HIVEP1: variants seen among roughly 807,000 people sequenced by gnomAD.
The protein encoded by HIVEP1 is zinc finger protein 40.
Under a neutral mutation model 180.0 loss-of-function variants are expected in HIVEP1, and 36 were observed. The ratio of observed to expected loss-of-function variants is 0.20; its 90% CI spans 0.15 to 0.26. HIVEP1 has a LOEUF of 0.26. Among genes scored for constraint, HIVEP1 ranks in the 10% least tolerant of loss-of-function variants. The probability of loss-of-function intolerance (pLI) is 1.00; values close to 1 mark genes in which losing one functional copy is unlikely to be tolerated. For missense variants in HIVEP1, 3,143 were observed against 3,268.7 expected (o/e 0.96, Z 0.94); for synonymous variants, 1,239 against 1,239.0 (o/e 1.00, Z 0.00).
intron 2 of HIVEP1, among the ~76,000 whole-genome samples, chr6:12,078,039 A>T (rs566342024): frequency 6.1e-4 from 93 of 152,272 alleles, no homozygotes; most frequent in Non-Finnish European, 3.8e-4. Context: ...AAAGAAGAGG[A>T]CATTGTTTAG....
chr6:12,058,855 A>C (rs1581599570), intron 2 of HIVEP1, among the ~76,000 whole-genome samples: 1 of 152,180 alleles, frequency 6.6e-6, no homozygotes, highest in African/African-American at 2.4e-5. Flanking sequence ...TATCTATGTA[A>C]GTATGTACAT....
chr6:12,110,234 C>T (rs935142796), intron 3 of HIVEP1, among the ~76,000 whole-genome samples: 1 of 152,162 alleles, frequency 6.6e-6, no homozygotes. Context: ...AGTAGATGAG[C>T]GTTTGCTTCA....
chr6:12,026,152 C>T (rs769730062), intron 2 of HIVEP1, among the ~76,000 whole-genome samples: 2 of 152,170 alleles, frequency 1.3e-5, no homozygotes, highest in Non-Finnish European at 2.9e-5. Context: ...TGTACCTGCC[C>T]TCTTAGAGTT....
chr6:12,017,684 A>C (rs1427189699), intron 2 of HIVEP1, among the ~76,000 whole-genome samples: 1 of 152,224 alleles, frequency 6.6e-6, no homozygotes, highest in Non-Finnish European at 1.5e-5. Context: ...GTGTGTTTAC[A>C]ATCCCTGAGC....
intron 3 of HIVEP1, among the ~76,000 whole-genome samples, chr6:12,097,402 C>T (rs1306007636): frequency 1.3e-5 from 2 of 151,338 alleles, no homozygotes; most frequent in African/African-American, 4.9e-5. Flanking sequence ...CCAGCTCTTA[C>T]CCAAATCATC....
chr6:12,198,529 C>T, the HIVEP1 span, among the ~76,000 whole-genome samples: 3 of 152,188 alleles, frequency 2.0e-5, no homozygotes, highest in South Asian at 2.1e-4. Flanking sequence ...TAAAAGGCCC[C>T]TTCCCTCATG....
At chr6:12,169,667 G>A (rs1322470151), downstream of HIVEP1, among the ~76,000 whole-genome samples, 1 of 152,170 alleles carries the variant, frequency 6.6e-6, no homozygotes, top group Non-Finnish European at 1.5e-5. Flanking sequence ...GTATACAGGG[G>A]ATTGCTGTAT....
the HIVEP1 span, among the ~76,000 whole-genome samples, chr6:12,190,194 AATCT>A: frequency 6.6e-6 from 1 of 152,238 alleles, no homozygotes. Context: ...GGACAGGCTG[AATCT>A]TCACTCTATT....
intron 2 of HIVEP1, among the ~76,000 whole-genome samples, chr6:12,053,847 A>G (rs186894661): frequency 5.9e-4 from 90 of 152,386 alleles, no homozygotes; most frequent in Middle Eastern, 6.8e-3. Context: ...TTTCCAGAAT[A>G]AATAGGATGA....
downstream of HIVEP1, among the ~76,000 whole-genome samples, chr6:12,169,625 T>C (rs1485311008): frequency 6.6e-6 from 1 of 152,074 alleles, no homozygotes; most frequent in Non-Finnish European, 1.5e-5. Flanking sequence ...GTTAAGAAAG[T>C]GATTGTCTTA....
chr6:12,165,085 C>T, downstream of HIVEP1: 1 of 499,700 alleles, frequency 2.0e-6, no homozygotes, highest in Non-Finnish European at 4.0e-6. Context: ...ATTCTTTCCA[C>T]ATTCCCCTCA....
chr6:12,038,097 C>T (rs540508080), intron 2 of HIVEP1: 73 of 230,440 alleles, frequency 3.2e-4, no homozygotes, highest in Non-Finnish European at 5.6e-4. Flanking sequence ...ACATTAATAC[C>T]GTGCAAATTC....
chr6:12,087,806 A>G (rs1773205105), intron 2 of HIVEP1, among the ~76,000 whole-genome samples: 1 of 152,318 alleles, frequency 6.6e-6, no homozygotes, highest in Admixed American at 6.5e-5. Context: ...AAGTTTATAA[A>G]TAAGAAAAAT....
At chr6:12,040,388 T>G (rs1255014387) in intron 2 of HIVEP1, among the ~76,000 whole-genome samples, 2 of 152,230 alleles carry the variant, frequency 1.3e-5, no homozygotes, top group Admixed American at 1.3e-4. Context: ...GATCTGATTC[T>G]TGCTTTCCTT....
chr6:12,062,756 T>C (rs1771321616), intron 2 of HIVEP1, among the ~76,000 whole-genome samples: 1 of 152,304 alleles, frequency 6.6e-6, no homozygotes, highest in East Asian at 1.9e-4. Flanking sequence ...CTCAATGTCA[T>C]AAAGATAAGA....
chr6:12,208,458 C>A, the HIVEP1 span, among the ~76,000 whole-genome samples: 12 of 152,154 alleles, frequency 7.9e-5, no homozygotes, highest in Non-Finnish European at 1.5e-4. Flanking sequence ...AGGAAGGAAG[C>A]CTCCTTGCAG....
At chr6:12,081,500 A>G (rs1038713415) in intron 2 of HIVEP1, among the ~76,000 whole-genome samples, 2 of 152,014 alleles carry the variant, frequency 1.3e-5, no homozygotes, top group Non-Finnish European at 2.9e-5. Context: ...CTTTCACCTA[A>G]CATTCCTTCT....
At chr6:12,017,179 C>T (rs1158438474) in intron 2 of HIVEP1, among the ~76,000 whole-genome samples, 3 of 152,084 alleles carry the variant, frequency 2.0e-5, no homozygotes, top group African/African-American at 4.8e-5. Flanking sequence ...AGGCTCTTTT[C>T]CTTTCTGTAT....
intron 3 of HIVEP1, among the ~76,000 whole-genome samples, chr6:12,114,042 C>T (rs910136704): frequency 1.3e-5 from 2 of 152,136 alleles, no homozygotes; most frequent in Non-Finnish European, 2.9e-5. Flanking sequence ...TGTTTATAAA[C>T]ACACTCAACC....
Sources: gnomAD v4.1 joint callset for allele counts (sites outside exome capture counted in the v4.1 genomes callset) on GRCh38, gnomAD v4.1.1 for gene constraint, MANE v1.5 for transcripts, NCBI Gene and HGNC (gene_info 2026-07-23, HGNC 2026-07-21) for gene names.